The following FAF1 variants were observed in gnomAD, a reference collection of about 807,000 sequenced individuals.
FAF1 encodes FAS-associated factor 1.
In FAF1, 25 loss-of-function variants were observed where a neutral mutation model predicts 92.5. The observed-to-expected ratio is 0.27, with a 90% CI of 0.20 to 0.38. The LOEUF (loss-of-function observed/expected upper bound fraction) is 0.38. FAF1 is among the 10% of genes least tolerant of loss of function. The probability of loss-of-function intolerance (pLI) is 1.00; values close to 1 mark genes in which losing one functional copy is unlikely to be tolerated. For synonymous variants in FAF1, 234 were observed against 273.2 expected (o/e 0.86, Z 1.42); for missense variants, 636 against 793.3 (o/e 0.80, Z 2.38).
intron 8 of FAF1, among the ~76,000 whole-genome samples, chr1:50,627,520 C>G (rs948934367): frequency 1.3e-5 from 2 of 151,682 alleles, no homozygotes; most frequent in Non-Finnish European, 2.9e-5. Flanking sequence ...TGAGCTATAA[C>G]TACATAGAAA....
At position 50,739,390 on chromosome 1, in the gene FAF1, GTGTTTA is replaced by G. The variant is rs201116160; in HGVS notation, c.460-442_460-437del. Among the ~76,000 whole-genome samples, 989 of 126,826 alleles carry G rather than the reference GTGTTTA, an allele frequency of 7.8e-3. 15 individuals are homozygous for G. Among genetic ancestry groups the G allele is most frequent in the African/African-American group, 0.031 (944 of 30,286 alleles). The allele number at this position is 126,826 out of a possible 152,430, so 83.2% of individuals were successfully genotyped here. A position where few individuals can be genotyped will look rare whatever the true frequency, so the allele number is the denominator to read the frequency against. Reference sequence around the variant, plus strand: ...CACGTACATACATATACATATATGTGTGTTTATGTGTATGTGTATACATGTGAGTGT... The same window carrying G: ...CACGTACATACATATACATATATGTGTGTGTATGTGTATACATGTGAGTGT... On this transcript the variant is annotated intron_variant, in intron 5 of 18. Coordinates refer to ENST00000396153, the MANE Select transcript of FAF1 (RefSeq NM_007051.3).
intron 5 of FAF1, among the ~76,000 whole-genome samples, chr1:50,744,217 G>C (rs1659501831): frequency 6.6e-6 from 1 of 152,016 alleles, no homozygotes; most frequent in African/African-American, 2.4e-5. Context: ...AGTCAACAAG[G>C]AAAACAACAT....
intron 15 of FAF1, among the ~76,000 whole-genome samples, chr1:50,533,665 TA>T (rs1648309788): frequency 6.6e-6 from 1 of 152,196 alleles, no homozygotes; most frequent in Admixed American, 6.5e-5. Flanking sequence ...AAACTATCCT[TA>T]GAAACTTTTC....
chr1:50,885,312 T>TCACACACACACACACACACACA (rs376434464), intron 1 of FAF1, among the ~76,000 whole-genome samples: 37 of 137,320 alleles, frequency 2.7e-4, no homozygotes, highest in East Asian at 8.3e-4. Flanking sequence ...TCTCTCTCTC[T>TCACACACACACACACACACACA]CACACACACA....
At chr1:50,590,578 T>A (rs1275218436) in intron 9 of FAF1, among the ~76,000 whole-genome samples, 1 of 152,252 alleles carries the variant, frequency 6.6e-6, no homozygotes, top group African/African-American at 2.4e-5. Flanking sequence ...TATAAAATTA[T>A]CCTCAGTGAA....
chr1:50,942,921 G>A (rs184487796), intron 1 of FAF1, among the ~76,000 whole-genome samples: 1 of 152,158 alleles, frequency 6.6e-6, no homozygotes, highest in Non-Finnish European at 1.5e-5. Flanking sequence ...GACCTTTGCT[G>A]TGGAGGGAGA....
chr1:50,803,299 T>C (rs768251648), intron 2 of FAF1, among the ~76,000 whole-genome samples: 1 of 152,090 alleles, frequency 6.6e-6, no homozygotes, highest in Non-Finnish European at 1.5e-5. Flanking sequence ...GTTCAAATCT[T>C]TCAAAAAACA....
chr1:50,635,848 G>A (rs116483483), intron 8 of FAF1, among the ~76,000 whole-genome samples: 2 of 152,260 alleles, frequency 1.3e-5, no homozygotes, highest in African/African-American at 4.8e-5. Flanking sequence ...AGAAATTTAG[G>A]TCAGCTACTA....
intron 2 of FAF1, among the ~76,000 whole-genome samples, chr1:50,809,318 C>T (rs1010691119): frequency 5.3e-5 from 8 of 151,818 alleles, no homozygotes; most frequent in African/African-American, 1.9e-4. Context: ...TCAATAAGGT[C>T]AAGAGTTAGT....
At chr1:50,622,836 A>G (rs1653276853) in intron 8 of FAF1, among the ~76,000 whole-genome samples, 1 of 152,162 alleles carries the variant, frequency 6.6e-6, no homozygotes, top group Non-Finnish European at 1.5e-5. Context: ...AACGTTTGAT[A>G]GTATACCTGT....
intron 16 of FAF1, among the ~76,000 whole-genome samples, chr1:50,490,909 A>G (rs1047583441): frequency 5.3e-5 from 8 of 152,186 alleles, no homozygotes; most frequent in Admixed American, 4.6e-4. Flanking sequence ...AATACCTTTG[A>G]TAGCTCTGGG....
At chr1:50,806,445 A>T (rs563753539) in intron 2 of FAF1, among the ~76,000 whole-genome samples, 1 of 152,344 alleles carries the variant, frequency 6.6e-6, no homozygotes, top group South Asian at 2.1e-4. Context: ...ATATACAGGT[A>T]AACATGTGAC....
In FAF1 at chr1:50,874,758, C is replaced by CTTTTT. The variant is rs755424291; in HGVS notation, c.46-16766_46-16762dup. 5.6e-3 allele frequency among the ~76,000 whole-genome samples: 378 copies of CTTTTT among 67,308 alleles called. 13 individuals are homozygous for CTTTTT. The highest frequency in any genetic ancestry group is 0.029 in the Middle Eastern group (2 of 70). 44.2% of individuals were successfully genotyped at this position (67,308 alleles called of 152,430 possible). On this transcript the variant is annotated intron_variant, in intron 1 of 18. Coordinates refer to ENST00000396153, the MANE Select transcript of FAF1 (RefSeq NM_007051.3). Reference sequence around the variant, plus strand: ...TTCTCCATCTTATTTTCTTTTCTTTCTTTTTTTTTTTTTTTTTTTTTTTTT... The same window carrying CTTTTT: ...TTCTCCATCTTATTTTCTTTTCTTTCTTTTTTTTTTTTTTTTTTTTTTTTTTTTTT...
intron 1 of FAF1, among the ~76,000 whole-genome samples, chr1:50,940,052 A>G (rs1570165174): frequency 1.3e-5 from 2 of 152,254 alleles, no homozygotes; most frequent in East Asian, 1.9e-4. Context: ...CTGGGACTAC[A>G]GGCACGTACC....
At chr1:50,472,368 TACACACACACAC>T (rs71850142) in intron 18 of FAF1, among the ~76,000 whole-genome samples, 5,666 of 123,910 alleles carry the variant, frequency 0.046, 123 homozygotes, top group Non-Finnish European at 0.053. Flanking sequence ...GGGGAAAACA[TACACACACACAC>T]ACACACACAC....
chr1:50,889,822 T>C (rs1644704047), intron 1 of FAF1, among the ~76,000 whole-genome samples: 1 of 152,362 alleles, frequency 6.6e-6, no homozygotes, highest in Non-Finnish European at 1.5e-5. Flanking sequence ...GATGTGGTGC[T>C]GAGAAGAATG....
chr1:50,864,635 A>G (rs1163511025), intron 1 of FAF1, among the ~76,000 whole-genome samples: 1 of 151,646 alleles, frequency 6.6e-6, no homozygotes, highest in Non-Finnish European at 1.5e-5. Context: ...CTGGCTAGCC[A>G]TATGTAGAAA....
intron 7 of FAF1, among the ~76,000 whole-genome samples, chr1:50,693,137 A>G (rs1657013254): frequency 6.6e-6 from 1 of 152,206 alleles, no homozygotes; most frequent in Non-Finnish European, 1.5e-5. Context: ...ACCATTACCT[A>G]ACCCAAAAAC....
At chr1:50,833,491 C>G (rs561551659) in intron 2 of FAF1, among the ~76,000 whole-genome samples, 135 of 152,280 alleles carry the variant, frequency 8.9e-4, no homozygotes, top group African/African-American at 2.9e-3. Context: ...AATCTGGAAG[C>G]TCTCCAAATC....
Sources: allele counts gnomAD v4.1 joint callset (sites outside exome capture counted in the v4.1 genomes callset), GRCh38; gene constraint gnomAD v4.1.1; transcripts MANE v1.5; gene names NCBI Gene and HGNC (gene_info 2026-07-23, HGNC 2026-07-21).